SNRPC: variants seen among roughly 807,000 people sequenced by gnomAD.
SNRPC encodes the protein small nuclear ribonucleoprotein polypeptide C.
In SNRPC, 5 loss-of-function variants were observed where a neutral mutation model predicts 20.0. The observed-to-expected ratio is 0.25, with a 90% confidence interval of 0.13 to 0.53. The LOEUF is 0.53. Among genes scored for constraint, SNRPC ranks in the 20% least tolerant of loss-of-function variants. SNRPC has a pLI of 0.96. For synonymous variants in SNRPC, 61 were observed against 58.7 expected (o/e 1.04, Z -0.18); for missense variants, 112 against 224.1 (o/e 0.50, Z 3.19).
chr6:34,763,263 C>A (rs955189069), intron 3 of SNRPC, among the ~76,000 whole-genome samples: 2 of 152,158 alleles, frequency 1.3e-5, no homozygotes, highest in Non-Finnish European at 2.9e-5. Context: ...GTCCGGGACA[C>A]TAACAGAAGG....
intron 3 of SNRPC, among the ~76,000 whole-genome samples, chr6:34,764,151 T>C (rs1034621190): frequency 6.7e-6 from 1 of 148,350 alleles, no homozygotes; most frequent in African/African-American, 2.5e-5. Context: ...CGAGACCAGC[T>C]TGGCCAACAT....
At chr6:34,760,467 A>T (rs1305520864) in intron 2 of SNRPC, among the ~76,000 whole-genome samples, 3 of 152,032 alleles carry the variant, frequency 2.0e-5, no homozygotes, top group African/African-American at 7.2e-5. Context: ...ATAGGTCCCT[A>T]GTCCTTTTTT....
chr6:34,770,196 TG>T, intron 4 of SNRPC, 94 bp from the exon 5 acceptor site: 2 of 925,094 alleles, frequency 2.2e-6, no homozygotes, highest in Non-Finnish European at 3.6e-6. Context: ...CACTCCGGCC[TG>T]GGCAACAAGA....
intron 2 of SNRPC, among the ~76,000 whole-genome samples, chr6:34,762,186 C>T (rs1764546199): frequency 6.6e-6 from 1 of 152,024 alleles, no homozygotes; most frequent in African/African-American, 2.4e-5. Context: ...TGTCTCTAGT[C>T]CCAGCAACTC....
intron 4 of SNRPC, among the ~76,000 whole-genome samples, chr6:34,770,022 G>A (rs1012991269): frequency 2.0e-5 from 3 of 152,130 alleles, no homozygotes; most frequent in Non-Finnish European, 4.4e-5. Flanking sequence ...TGGGAGTTCA[G>A]GACCAGCCTG....
intron 3 of SNRPC, among the ~76,000 whole-genome samples, chr6:34,765,337 G>T (rs908303256): frequency 6.6e-6 from 1 of 152,142 alleles, no homozygotes; most frequent in African/African-American, 2.4e-5. Flanking sequence ...ACTGAATATT[G>T]TCATCTACTC....
chr6:34,765,176 G>A (rs902557999), intron 3 of SNRPC, among the ~76,000 whole-genome samples: 1 of 152,154 alleles, frequency 6.6e-6, no homozygotes, highest in African/African-American at 2.4e-5. Flanking sequence ...TTTGCTGTGA[G>A]GGTCTTTCTG....
At chr6:34,772,182 G>A (rs1187516551) in intron 5 of SNRPC, among the ~76,000 whole-genome samples, 2 of 152,074 alleles carry the variant, frequency 1.3e-5, no homozygotes, top group African/African-American at 4.8e-5. Context: ...CTGGATGATG[G>A]ATACATGGAT....
intron 2 of SNRPC, among the ~76,000 whole-genome samples, chr6:34,761,582 A>G (rs1217557350): frequency 7.5e-6 from 1 of 132,624 alleles, no homozygotes. Flanking sequence ...GTGCAATGGC[A>G]TGATCTTGGC....
At chr6:34,759,019 CAA>C (rs755576537) in intron 2 of SNRPC, among the ~76,000 whole-genome samples, 18 of 24,640 alleles carry the variant, frequency 7.3e-4, no homozygotes, top group South Asian at 1.7e-3. Flanking sequence ...GACTCCGTCT[CAA>C]AAAAAAAAAA....
intron 2 of SNRPC, among the ~76,000 whole-genome samples, chr6:34,758,189 G>A (rs1325666752): frequency 2.0e-5 from 3 of 152,142 alleles, no homozygotes; most frequent in Non-Finnish European, 2.9e-5. Flanking sequence ...AAGAGGATGA[G>A]GTGAGAGAAT....
intron 3 of SNRPC, among the ~76,000 whole-genome samples, chr6:34,764,030 A>C (rs1022988011): frequency 9.2e-5 from 14 of 151,766 alleles, no homozygotes; most frequent in Non-Finnish European, 1.8e-4. Context: ...TTTTTTTAAA[A>C]ATTAAAAAAC....
Position 34,773,593 on chromosome 6 carries a change from T to A in SNRPC, c.*23T>A. 1 of 1,608,598 alleles carries A rather than the reference T, an allele frequency of 6.2e-7. No homozygotes were observed. The highest frequency in any genetic ancestry group is 1.1e-5 in the South Asian group (1 of 90,942). ...TAAGGATAGAGGGGAGGCCTTATTG[T>A]ATCGGTTTTATATTACCTGTTCTGC... On this transcript the variant is annotated 3_prime_UTR_variant, in exon 6 of 6. Transcript: ENST00000244520. The surrounding 1 kb of genome is among the most constrained non-coding windows in gnomAD (Gnocchi z 4.1).
chr6:34,760,670 C>G lies in SNRPC; in HGVS notation c.52-1925C>G, dbSNP rs566295367. Among the ~76,000 whole-genome samples, 17 of 151,872 alleles carry G rather than the reference C, an allele frequency of 1.1e-4. No individual in the cohort carries two copies. The South Asian group carries it at 2.7e-3, about 24-fold the overall frequency. Reference sequence around the variant, plus strand: ...TCTTTTCATGAGAAATGTCATGAACCCTTGTTCCTTCTAAAATGATGTCTT... The same window carrying G: ...TCTTTTCATGAGAAATGTCATGAACGCTTGTTCCTTCTAAAATGATGTCTT... On this transcript the variant is annotated intron_variant, in intron 2 of 5. Coordinates refer to ENST00000244520, the MANE Select transcript of SNRPC (RefSeq NM_003093.3).
At chr6:34,768,023 G>C (rs375073244) in intron 4 of SNRPC, 26 bp downstream of exon 4, 48 of 1,589,866 alleles carry the variant, frequency 3.0e-5, no homozygotes, top group Non-Finnish European at 4.1e-5. Flanking sequence ...TAATCTTAAG[G>C]GGTGTGACGG....
At chr6:34,760,104 A>G (rs1176146782) in intron 2 of SNRPC, among the ~76,000 whole-genome samples, 3 of 145,336 alleles carry the variant, frequency 2.1e-5, no homozygotes, top group African/African-American at 5.2e-5. Flanking sequence ...ATAGTTCTGT[A>G]TATTATCTTT....
intron 4 of SNRPC, among the ~76,000 whole-genome samples, chr6:34,768,571 G>A (rs921921142): frequency 2.0e-5 from 3 of 151,932 alleles, no homozygotes; most frequent in South Asian, 4.1e-4. Flanking sequence ...GGCTAACATC[G>A]TGAAACCCCA....
At position 34,773,846 on chromosome 6, in the gene SNRPC, T is replaced by C. The variant is rs182251094; in HGVS notation, c.*276T>C. 1.4e-3 allele frequency: 372 copies of C among 264,690 alleles called. 2 individuals are homozygous for C. Among genetic ancestry groups the C allele is most frequent in the African/African-American group, 6.9e-3 (318 of 45,966 alleles). The allele number at this position is 264,690 out of a possible 1,614,324, so 16.4% of individuals were successfully genotyped here. A position where few individuals can be genotyped will look rare whatever the true frequency, so the allele number is the denominator to read the frequency against. ...TGTTCTCTGTGTATTATAAAAGAAATGAAACATTCCAGTTCTGTTTCTCTA... is the reference window on the plus strand; with the variant it reads ...TGTTCTCTGTGTATTATAAAAGAAACGAAACATTCCAGTTCTGTTTCTCTA... On this transcript the variant is annotated 3_prime_UTR_variant, in exon 6 of 6. Coordinates refer to ENST00000244520, the MANE Select transcript of SNRPC (RefSeq NM_003093.3). This position sits in a 1 kb window ranked among gnomAD's most constrained non-coding sequence, Gnocchi z 4.1.
intron 1 of SNRPC, 102 bp from the exon 2 acceptor site, chr6:34,757,810 G>C (rs914690154): frequency 2.5e-6 from 4 of 1,604,714 alleles, no homozygotes; most frequent in Non-Finnish European, 8.5e-7. Context: ...CTGGCTTTTT[G>C]TTTTGTTTGT....
Sources: gnomAD v4.1 joint callset for allele counts (sites outside exome capture counted in the v4.1 genomes callset) on GRCh38, gnomAD v4.1.1 for gene constraint, Gnocchi (gnomAD v3.1) non-coding constraint, MANE v1.5 for transcripts, NCBI Gene and HGNC (gene_info 2026-07-23, HGNC 2026-07-21) for gene names.